Variants in SLC25A17 observed in about 807,000 individuals in gnomAD.
The protein encoded by SLC25A17 is peroxisomal membrane protein PMP34.
SLC25A17 carries 26 observed loss-of-function variants against 38.5 expected under a neutral mutation model. The observed-to-expected ratio is 0.68, with a 90% CI of 0.50 to 0.94. SLC25A17 has a LOEUF of 0.94. Ranked by LOEUF, SLC25A17 falls within the 40% of genes least tolerant of loss-of-function variation. The pLI, the probability that SLC25A17 is intolerant of heterozygous loss-of-function variation, is 0.00. For missense variants in SLC25A17, 333 were observed against 372.7 expected (o/e 0.89, Z 0.88); for synonymous variants, 139 against 136.2 (o/e 1.02, Z -0.14).
intron 1 of SLC25A17, among the ~76,000 whole-genome samples, chr22:40,801,128 CATATATATAT>C (rs60780380): frequency 0.21 from 21,526 of 101,020 alleles, 2,325 homozygotes; most frequent in Admixed American, 0.38. Context: ...AAATATATTA[CATATATATAT>C]ATATATATAT....
intron 3 of SLC25A17, among the ~76,000 whole-genome samples, chr22:40,794,254 T>G (rs2057408304): frequency 6.6e-6 from 1 of 152,320 alleles, no homozygotes; most frequent in South Asian, 2.1e-4. Flanking sequence ...AAACAATGCA[T>G]TTTAGTTTCA....
At chr22:40,779,294 T>G (rs2057275331) in intron 4 of SLC25A17, 169 bp from the exon 5 acceptor site, 1 of 1,459,202 alleles carries the variant, frequency 6.9e-7, no homozygotes. Flanking sequence ...GCCACTACTG[T>G]TAGAAGCGAT....
At chr22:40,795,569 C>T (rs926525570) in intron 2 of SLC25A17, among the ~76,000 whole-genome samples, 3 of 152,166 alleles carry the variant, frequency 2.0e-5, no homozygotes, top group East Asian at 1.9e-4. Flanking sequence ...GGATTACAGG[C>T]GTGAGCCACC....
At chr22:40,781,100 G>A (rs2057289847) in intron 4 of SLC25A17, among the ~76,000 whole-genome samples, 1 of 152,092 alleles carries the variant, frequency 6.6e-6, no homozygotes, top group African/African-American at 2.4e-5. Flanking sequence ...CAGCCCAGGA[G>A]GTTGAGGCTG....
intron 8 of SLC25A17, among the ~76,000 whole-genome samples, chr22:40,772,632 CT>C (rs925177899): frequency 1.3e-3 from 191 of 143,982 alleles, no homozygotes; most frequent in Middle Eastern, 3.7e-3. Flanking sequence ...CTTGAATGTT[CT>C]TTTTTTTTTT....
intron 4 of SLC25A17, among the ~76,000 whole-genome samples, chr22:40,787,010 T>C (rs562992380): frequency 6.6e-6 from 1 of 152,320 alleles, no homozygotes; most frequent in African/African-American, 2.4e-5. Context: ...GCTTACTGTC[T>C]AGCAAAAGAT....
chr22:40,795,486 G>T (rs2057420905), intron 2 of SLC25A17, among the ~76,000 whole-genome samples: 1 of 151,788 alleles, frequency 6.6e-6, no homozygotes, highest in South Asian at 2.1e-4. Flanking sequence ...TAGAGACGGG[G>T]TTTCACTGTT....
chr22:40,773,200 G>A (rs1199389931), intron 8 of SLC25A17, among the ~76,000 whole-genome samples: 3 of 151,994 alleles, frequency 2.0e-5, no homozygotes, highest in African/African-American at 7.2e-5. Context: ...ACGAGGTCAG[G>A]AGATCAAGAC....
intron 4 of SLC25A17, 41 bp downstream of exon 4, chr22:40,792,484 G>A: frequency 1.3e-6 from 2 of 1,526,468 alleles, no homozygotes; most frequent in South Asian, 1.2e-5. Context: ...AAAACCACAA[G>A]GTAAATATAA....
intron 1 of SLC25A17, among the ~76,000 whole-genome samples, chr22:40,810,347 CT>C (rs199943597): frequency 0.023 from 3,135 of 135,476 alleles, 59 homozygotes; most frequent in African/African-American, 0.067. Flanking sequence ...ATTAAATATT[CT>C]TTTTTTTTTT....
intron 1 of SLC25A17, among the ~76,000 whole-genome samples, chr22:40,818,131 G>A (rs2057660538): frequency 6.6e-6 from 1 of 152,226 alleles, no homozygotes; most frequent in Non-Finnish European, 1.5e-5. Context: ...TGAGCTCTCA[G>A]TGAAGTTTCT....
chr22:40,802,581 G>A (rs985209676), intron 1 of SLC25A17, among the ~76,000 whole-genome samples: 2 of 152,054 alleles, frequency 1.3e-5, no homozygotes, highest in East Asian at 1.9e-4. Flanking sequence ...GGAGGCGGAG[G>A]TTGCAGTGAG....
intron 5 of SLC25A17, among the ~76,000 whole-genome samples, 169 bp downstream of exon 5, chr22:40,778,840 T>A (rs1332190814): frequency 6.6e-6 from 1 of 152,080 alleles, no homozygotes; most frequent in Non-Finnish European, 1.5e-5. Context: ...GACAAAGGGC[T>A]AATATCCAGA....
At chr22:40,795,635 T>G (rs2057422565) in intron 2 of SLC25A17, among the ~76,000 whole-genome samples, 1 of 152,150 alleles carries the variant, frequency 6.6e-6, no homozygotes, top group Admixed American at 6.5e-5. Context: ...CTCTCTTGTT[T>G]TATTCAATTA....
intron 1 of SLC25A17, among the ~76,000 whole-genome samples, chr22:40,812,017 C>A (rs568181443): frequency 1.5e-3 from 233 of 151,702 alleles, no homozygotes; most frequent in Non-Finnish European, 2.6e-3. Flanking sequence ...GGATTTCTTT[C>A]TTTTTCTCTT....
Position 40,799,020 on chromosome 22 carries a change from T to C in SLC25A17, c.115+3A>G, listed in dbSNP as rs1408615191. On this transcript the variant is annotated splice_donor_region_variant and intron_variant, in intron 2 of 8. Transcript: ENST00000435456. ...TACAAATAGGAGTATGATTTCTACTTACCCTGAAGTCGAAGTCTAGCTGTA... is the reference window on the plus strand; with the variant it reads ...TACAAATAGGAGTATGATTTCTACTCACCCTGAAGTCGAAGTCTAGCTGTA... The C allele has an allele frequency of 6.9e-6, 11 of 1,598,094 alleles. No individual in the cohort carries two copies. Among genetic ancestry groups the C allele is most frequent in the Non-Finnish European group, 9.4e-6 (11 of 1,165,686 alleles).
chr22:40,804,866 T>G (rs1355160242), intron 1 of SLC25A17, among the ~76,000 whole-genome samples: 3 of 152,068 alleles, frequency 2.0e-5, no homozygotes. Context: ...TCCCAGCACT[T>G]TGGGAGGTCA....
At position 40,794,560 on chromosome 22, in the gene SLC25A17, T is replaced by C; in HGVS notation, c.136A>G (p.Lys46Glu). The change falls in exon 3 of 9, where the codon AAA becomes GAA. Residue 46 changes from lysine (K) to glutamate (E), a missense_variant. Lys to Glu is a moderately conservative substitution (Grantham distance 56, BLOSUM62 1). Transcript: ENST00000435456. The stretch of plus-strand genomic sequence containing the variant: ...TCCAGGAGCACCATGTGTGTAGTTT[T>C]GGATTTTCTTTTCTCATCAACTACA... ...RLQVDEKRKSKTTHMVLLEII... is the reference protein window; with the variant it reads ...RLQVDEKRKSETTHMVLLEII... 6.2e-7 allele frequency: 1 copy of C among 1,611,084 alleles called. No homozygotes were observed. Among genetic ancestry groups the C allele is most frequent in the Non-Finnish European group, 8.5e-7 (1 of 1,177,460 alleles).
Position 40,794,517 on chromosome 22 carries a change from C to T in SLC25A17, c.179G>A (p.Gly60Glu). 1 of 1,605,066 alleles carries T rather than the reference C, an allele frequency of 6.2e-7. No individual in the cohort carries two copies. The highest frequency in any genetic ancestry group is 8.5e-7 in the Non-Finnish European group (1 of 1,172,384). ...MVLLEIIKEE[G>E]LLAPYRGWFP... Reference sequence around the variant, plus strand: ...GGTGAACTGAGGTAGTACTCACAGTCCTTCTTCTTTAATGATCTCCAGGAG... The same window carrying T: ...GGTGAACTGAGGTAGTACTCACAGTTCTTCTTCTTTAATGATCTCCAGGAG... The change falls in exon 3 of 9, where the codon GGA becomes GAA. Residue 60 changes from glycine (G) to glutamate (E), a missense_variant. Transcript: ENST00000435456.
Sources: allele counts gnomAD v4.1 joint callset (sites outside exome capture counted in the v4.1 genomes callset), GRCh38; gene constraint gnomAD v4.1.1; transcripts MANE v1.5; gene names NCBI Gene and HGNC (gene_info 2026-07-23, HGNC 2026-07-21).